TIAM1: variants seen among roughly 807,000 people sequenced by gnomAD.
TIAM1 encodes the protein TIAM Rac1 associated GEF 1.
Under a neutral mutation model 163.5 loss-of-function variants are expected in TIAM1, and 65 were observed. The observed-to-expected ratio is 0.40, with a 90% CI of 0.33 to 0.49. The LOEUF (loss-of-function observed/expected upper bound fraction) is 0.49, where lower values mean the gene tolerates loss of function less well. Ranked by LOEUF, TIAM1 falls within the 20% of genes least tolerant of loss-of-function variation. TIAM1 has a pLI of 0.77. For missense variants in TIAM1, 1,789 were observed against 2,044.7 expected, an observed-to-expected ratio of 0.87 and a Z score of 2.41; for synonymous variants, 833 against 810.1, an observed-to-expected ratio of 1.03 and a Z score of -0.48.
At chr21:31,420,385 T>G (rs1206854887) in intron 2 of TIAM1, among the ~76,000 whole-genome samples, 1 of 152,146 alleles carries the variant, frequency 6.6e-6, no homozygotes, top group Non-Finnish European at 1.5e-5. Flanking sequence ...GAACACAAGC[T>G]CCACAGAAAT....
At chr21:31,553,724 A>G (rs1055723377) in intron 1 of TIAM1, among the ~76,000 whole-genome samples, 1 of 152,130 alleles carries the variant, frequency 6.6e-6, no homozygotes, top group Non-Finnish European at 1.5e-5. Flanking sequence ...CAAGGCTCAG[A>G]GGAGAGGTTT....
At chr21:31,311,089 G>A (rs757279574) in intron 2 of TIAM1, among the ~76,000 whole-genome samples, 3 of 151,992 alleles carry the variant, frequency 2.0e-5, no homozygotes, top group African/African-American at 4.8e-5. Context: ...CAATAAGCTC[G>A]TTCCAGAACA....
At chr21:31,391,701 T>C (rs987739755) in intron 2 of TIAM1, among the ~76,000 whole-genome samples, 2 of 152,258 alleles carry the variant, frequency 1.3e-5, no homozygotes, top group Non-Finnish European at 2.9e-5. Flanking sequence ...ATTTGTTACC[T>C]GGACTTACAA....
chr21:31,215,589 A>AAAAAAAAG lies in TIAM1; in HGVS notation c.2142+1963_2142+1964insCTTTTTTT, dbSNP rs1555893145. Among the ~76,000 whole-genome samples, 22 of 147,660 alleles carry AAAAAAAAG rather than the reference A, an allele frequency of 1.5e-4. 1 individual carries two copies. The highest frequency in any genetic ancestry group is 5.5e-4 in the African/African-American group (21 of 37,896). ...AAAAGAAAAAAAAAAAAAAAAAAAA[A>AAAAAAAAG]GAAGAGAAATGCTGATGGTTCATGT... On this transcript the variant is annotated intron_variant, in intron 9 of 27. Transcript: ENST00000541036.
rs942307262 is a variant in TIAM1, at chr21:31,177,338, G to A, written c.2887+5083C>T. Among the ~76,000 whole-genome samples, 4 of 152,172 alleles carry A rather than the reference G, an allele frequency of 2.6e-5. No individual in the cohort carries two copies. The East Asian group carries it at 7.7e-4, about 29-fold the overall frequency. On this transcript the variant is annotated intron_variant, in intron 15 of 27. Transcript: ENST00000541036. Reference sequence around the variant, plus strand: ...GGACTGATTTCTGGCCAGGCATGGTGGCTCATGCCTATAATCCCTGCACTT... The same window carrying A: ...GGACTGATTTCTGGCCAGGCATGGTAGCTCATGCCTATAATCCCTGCACTT...
chr21:31,175,090 A>C (rs745674841), intron 15 of TIAM1, among the ~76,000 whole-genome samples: 32 of 152,122 alleles, frequency 2.1e-4, no homozygotes, highest in Non-Finnish European at 4.0e-4. Context: ...CTACCGGTGC[A>C]CACCACCACG....
At chr21:31,553,636 T>C (rs2048769347) in intron 1 of TIAM1, among the ~76,000 whole-genome samples, 1 of 152,104 alleles carries the variant, frequency 6.6e-6, no homozygotes, top group Non-Finnish European at 1.5e-5. Flanking sequence ...ATAGAGATCT[T>C]GCCCCAGGAT....
At chr21:31,121,877 G>A (rs2146198938) in intron 27 of TIAM1, among the ~76,000 whole-genome samples, 1 of 152,342 alleles carries the variant, frequency 6.6e-6, no homozygotes. Context: ...TCCCTCGAGA[G>A]TGAAGCGGTT....
chr21:31,333,274 G>GT (rs1439416018), intron 2 of TIAM1, among the ~76,000 whole-genome samples: 3 of 152,044 alleles, frequency 2.0e-5, no homozygotes, highest in South Asian at 2.1e-4. Context: ...CTCCAACTCC[G>GT]TTTTTTTCAG....
chr21:31,286,969 T>C (rs11702036), intron 2 of TIAM1, among the ~76,000 whole-genome samples: 18,259 of 152,220 alleles, frequency 0.12, 1,709 homozygotes, highest in East Asian at 0.42. Context: ...CTTAAGTTTT[T>C]ATTTGCAAAT....
intron 1 of TIAM1, among the ~76,000 whole-genome samples, chr21:31,519,323 A>G (rs1431662222): frequency 9.4e-5 from 14 of 149,248 alleles, no homozygotes; most frequent in South Asian, 2.1e-4. Context: ...AAAAAAAAAA[A>G]AAAAAGAAAC....
rs1205905075 is a variant in TIAM1, at chr21:31,266,935, A to T, written c.38T>A (p.Phe13Tyr). 3 of 1,610,326 alleles carry T rather than the reference A, an allele frequency of 1.9e-6. No individual in the cohort carries two copies. The highest frequency in any genetic ancestry group is 3.3e-4 in the Middle Eastern group (2 of 6,054). Reference sequence around the variant, plus strand: ...CAGGCTGGCATGCTTTTCTCCATAAAACTCGTGCTCTACATGTTGACTTTC... The same window carrying T: ...CAGGCTGGCATGCTTTTCTCCATAATACTCGTGCTCTACATGTTGACTTTC... ...NAESQHVEHE[F>Y]YGEKHASLGR... Residue 13 changes from phenylalanine to tyrosine, a missense_variant, in exon 4 of 28, where the codon TTT becomes TAT. Physicochemically the swap from Phe to Tyr is conservative, Grantham distance 22. Around this residue, in one of 5 missense-constraint regions of TIAM1, gnomAD observed 555 missense variants for 564.9 expected, o/e 0.98. Transcript: ENST00000541036.
intron 1 of TIAM1, among the ~76,000 whole-genome samples, chr21:31,491,450 C>T (rs1040608190): frequency 1.3e-5 from 2 of 152,192 alleles, no homozygotes; most frequent in African/African-American, 4.8e-5. Context: ...GTCAGATTGT[C>T]TGGAGCTGAT....
At chr21:31,487,856 CTT>C (rs1228543292) in intron 1 of TIAM1, among the ~76,000 whole-genome samples, 1 of 152,060 alleles carries the variant, frequency 6.6e-6, no homozygotes, top group Non-Finnish European at 1.5e-5. Context: ...CGCGCCCGGC[CTT>C]TTTTTGTATT....
intron 9 of TIAM1, among the ~76,000 whole-genome samples, chr21:31,217,142 G>A (rs1313764747): frequency 9.2e-5 from 14 of 151,988 alleles, no homozygotes; most frequent in Non-Finnish European, 1.9e-4. Flanking sequence ...GGGAGGTGGA[G>A]GTTGCAGTCA....
intron 1 of TIAM1, among the ~76,000 whole-genome samples, chr21:31,487,862 T>C (rs2046330324): frequency 6.6e-6 from 1 of 151,576 alleles, no homozygotes; most frequent in Non-Finnish European, 1.5e-5. Context: ...CGGCCTTTTT[T>C]TGTATTTTTA....
chr21:31,209,860 G>A (rs1184578199), intron 11 of TIAM1, among the ~76,000 whole-genome samples, 185 bp downstream of exon 11: 1 of 152,202 alleles, frequency 6.6e-6, no homozygotes, highest in African/African-American at 2.4e-5. Context: ...TCCCAAAGGT[G>A]AAGCATTCAC....
intron 15 of TIAM1, 107 bp downstream of exon 15, chr21:31,182,314 C>A (rs902063573): frequency 5.3e-6 from 5 of 949,036 alleles, no homozygotes. Flanking sequence ...TTTTATACCA[C>A]CTGCCAGACA....
At chr21:31,514,207 G>C (rs2047306057) in intron 1 of TIAM1, among the ~76,000 whole-genome samples, 1 of 151,960 alleles carries the variant, frequency 6.6e-6, no homozygotes, top group African/African-American at 2.4e-5. Context: ...AAAGATGTTT[G>C]CCCCCACACA....
Sources: allele counts gnomAD v4.1 joint callset (sites outside exome capture counted in the v4.1 genomes callset), GRCh38; gene constraint gnomAD v4.1.1; regional missense constraint gnomAD v4.1.1; transcripts MANE v1.5; gene names NCBI Gene and HGNC (gene_info 2026-07-23, HGNC 2026-07-21).